Variants in COL14A1 observed in about 807,000 individuals in gnomAD.
COL14A1 encodes the protein collagen alpha-1(XIV) chain.
In COL14A1, 136 loss-of-function variants were observed where a neutral mutation model predicts 230.3. The observed-to-expected ratio is 0.59, with a 90% CI of 0.51 to 0.68. COL14A1 has a LOEUF of 0.68. Ranked by LOEUF, COL14A1 falls within the 30% of genes least tolerant of loss-of-function variation. The pLI is 0.00. For synonymous variants in COL14A1, 792 were observed against 784.1 expected, an observed-to-expected ratio of 1.01 and a Z score of -0.17; for missense variants, 1,976 against 2,215.8, an observed-to-expected ratio of 0.89 and a Z score of 2.17.
At chr8:120,164,408 C>T (rs1815794922) in intron 4 of COL14A1, among the ~76,000 whole-genome samples, 1 of 152,012 alleles carries the variant, frequency 6.6e-6, no homozygotes, top group Non-Finnish European at 1.5e-5. Context: ...TTTTACACCC[C>T]TTCCCTCCCT....
intron 45 of COL14A1, among the ~76,000 whole-genome samples, chr8:120,363,686 G>C (rs747775182): frequency 1.3e-5 from 2 of 152,178 alleles, no homozygotes; most frequent in Non-Finnish European, 2.9e-5. Context: ...AGTGGCCATG[G>C]ACTGATGCTA....
chr8:120,358,558 G>A lies in COL14A1; in HGVS notation c.5078-8613G>A, dbSNP rs111327185. Among the ~76,000 whole-genome samples, 881 of 151,772 alleles carry A rather than the reference G, an allele frequency of 5.8e-3. 7 individuals carry two copies. Among genetic ancestry groups the A allele is most frequent in the African/African-American group, 0.02 (840 of 41,348 alleles). ...CATGGTGACAGCAGATTACTGCCACGTGAACAATGTAAGCATTTCCTTTCA... is the reference window on the plus strand; with the variant it reads ...CATGGTGACAGCAGATTACTGCCACATGAACAATGTAAGCATTTCCTTTCA... On this transcript the variant is annotated intron_variant, in intron 45 of 47. Transcript: ENST00000297848.
chr8:120,368,237 A>C (rs1234825229), intron 46 of COL14A1, among the ~76,000 whole-genome samples: 1 of 152,112 alleles, frequency 6.6e-6, no homozygotes, highest in East Asian at 1.9e-4. Context: ...TCTTATTATA[A>C]TATATATTTA....
At position 120,296,391 on chromosome 8, in the gene COL14A1, T is replaced by G. The variant is rs113513912; in HGVS notation, c.4237-1120T>G. 3.7e-3 allele frequency among the ~76,000 whole-genome samples: 567 copies of G among 152,026 alleles called. 3 individuals carry two copies. Among genetic ancestry groups the G allele is most frequent in the African/African-American group, 0.013 (520 of 41,536 alleles). The stretch of plus-strand genomic sequence containing the variant: ...TCATTCTGCTTACTGTCAGAACAAG[T>G]TATTTTGTGATAGTGCATGCATTTT... On this transcript the variant is annotated intron_variant, in intron 34 of 47. Transcript: ENST00000297848.
rs1284498537 is a variant in COL14A1, at chr8:120,349,433, A to G, written c.5077+3870A>G. 4.1e-5 allele frequency among the ~76,000 whole-genome samples: 6 copies of G among 146,328 alleles called. 1 individual carries two copies. Among genetic ancestry groups the G allele is most frequent in the Admixed American group, 3.4e-4 (5 of 14,592 alleles). On this transcript the variant is annotated intron_variant, in intron 45 of 47. Coordinates refer to ENST00000297848, the MANE Select transcript of COL14A1 (RefSeq NM_021110.4). ...GAAGAAGGCTTCAGACGATCAAATT[A>G]CTCTGAGCTACGGGAGGACATTCAA...
At chr8:120,190,954 G>C (rs2130682169) in intron 5 of COL14A1, among the ~76,000 whole-genome samples, 1 of 148,704 alleles carries the variant, frequency 6.7e-6, no homozygotes, top group African/African-American at 2.5e-5. Context: ...TATTAGTCTT[G>C]CTAGCGGTCT....
chr8:120,370,327 C>A, intron 47 of COL14A1: 1 of 1,611,132 alleles, frequency 6.2e-7, no homozygotes, highest in South Asian at 1.1e-5. Context: ...TACTCCTATC[C>A]TTATTAAGAT....
intron 45 of COL14A1, among the ~76,000 whole-genome samples, chr8:120,360,871 C>T (rs1334320524): frequency 2.0e-5 from 3 of 152,118 alleles, no homozygotes; most frequent in Non-Finnish European, 4.4e-5. Context: ...GCCCTCTGCT[C>T]TTTGGCAAGG....
At chr8:120,138,942 G>C (rs963965044) in intron 1 of COL14A1, among the ~76,000 whole-genome samples, 10 of 152,140 alleles carry the variant, frequency 6.6e-5, no homozygotes, top group African/African-American at 2.4e-4. Context: ...ATGTGGAGTT[G>C]AGGAAGGCAT....
chr8:120,265,826 C>A (rs28500675), intron 24 of COL14A1, among the ~76,000 whole-genome samples: 174 of 151,802 alleles, frequency 1.1e-3, no homozygotes, highest in African/African-American at 3.9e-3. Context: ...TTTTATTGAA[C>A]CTTAAAGTTG....
intron 5 of COL14A1, among the ~76,000 whole-genome samples, chr8:120,194,996 A>G (rs912364838): frequency 6.6e-6 from 1 of 152,206 alleles, no homozygotes; most frequent in Admixed American, 6.5e-5. Flanking sequence ...GTATTTGGTG[A>G]TTAAGAAAGG....
intron 5 of COL14A1, among the ~76,000 whole-genome samples, chr8:120,180,295 C>A (rs1390275504): frequency 6.6e-6 from 1 of 152,178 alleles, no homozygotes; most frequent in Non-Finnish European, 1.5e-5. Flanking sequence ...ATTTATTGGT[C>A]CTCATTAGAG....
At chr8:120,238,370 G>A (rs187783279) in intron 19 of COL14A1, among the ~76,000 whole-genome samples, 11 of 152,226 alleles carry the variant, frequency 7.2e-5, no homozygotes, top group African/African-American at 2.4e-4. Flanking sequence ...GGTAGGCTCT[G>A]CCCAGTCCAA....
chr8:120,255,078 A>G lies in COL14A1; in HGVS notation c.2753-162A>G, dbSNP rs558625995. 2.0e-5 allele frequency among the ~76,000 whole-genome samples: 3 copies of G among 152,332 alleles called. No homozygotes were observed. In the East Asian group the frequency reaches 5.8e-4, roughly 29 times the overall value. On this transcript the variant is annotated intron_variant, in intron 22 of 47. Transcript: ENST00000297848. ...TTTGCAATCTGTTCTCTCAAGTCAT[A>G]AAACATTTATCTTTTGTATACTAAC...
chr8:120,344,633 A>G (rs1247861630), intron 44 of COL14A1, among the ~76,000 whole-genome samples: 1 of 152,236 alleles, frequency 6.6e-6, no homozygotes, highest in African/African-American at 2.4e-5. Flanking sequence ...TCCTTGAAGA[A>G]ATTGTTACTA....
At chr8:120,139,698 T>G (rs1378429646) in intron 1 of COL14A1, among the ~76,000 whole-genome samples, 1 of 152,172 alleles carries the variant, frequency 6.6e-6, no homozygotes, top group Non-Finnish European at 1.5e-5. Flanking sequence ...ATCTGTGTTC[T>G]AAGTAAATTA....
chr8:120,356,242 C>T (rs1239157107), intron 45 of COL14A1, among the ~76,000 whole-genome samples: 1 of 152,168 alleles, frequency 6.6e-6, no homozygotes, highest in East Asian at 1.9e-4. Context: ...ATGTGATGCT[C>T]ATAAAAATCT....
chr8:120,171,939 C>T (rs1470331151), intron 5 of COL14A1, among the ~76,000 whole-genome samples: 1 of 152,070 alleles, frequency 6.6e-6, no homozygotes, highest in Non-Finnish European at 1.5e-5. Context: ...CACTAGATCT[C>T]TTCCCCTTTC....
Position 120,278,216 on chromosome 8 carries a change from G to A in COL14A1, c.3319G>A (p.Gly1107Arg). 2 of 1,607,876 alleles carry A rather than the reference G, an allele frequency of 1.2e-6. No individual in the cohort carries two copies. The highest frequency in any genetic ancestry group is 1.7e-5 in the Admixed American group (1 of 58,466). The stretch of plus-strand genomic sequence containing the variant: ...TGCAATTAAACACATTTCATACAAA[G>A]GAGGAAATACAAAAACAGGTATGAC... ...LDAIKHISYKGGNTKTGKAIK... is the reference protein window; with the variant it reads ...LDAIKHISYKRGNTKTGKAIK... Residue 1107 changes from glycine (G) to arginine (R), a missense_variant, in exon 27 of 48, where the codon GGA becomes AGA. This residue lies in a region of COL14A1 where 1,791 missense variants were observed against 2,019.5 expected (regional missense o/e 0.89). Transcript: ENST00000297848.
Sources: gnomAD v4.1 joint callset for allele counts (sites outside exome capture counted in the v4.1 genomes callset) on GRCh38, gnomAD v4.1.1 for gene constraint, gnomAD v4.1.1 regional missense constraint, MANE v1.5 for transcripts, NCBI Gene and HGNC (gene_info 2026-07-23, HGNC 2026-07-21) for gene names.